Variants in RSPO2 observed in about 807,000 individuals in gnomAD.
The protein encoded by RSPO2 is R-spondin-2.
In RSPO2, 14 loss-of-function variants were observed where a neutral mutation model predicts 30.9. The observed-to-expected ratio is 0.45, with a 90% CI of 0.30 to 0.71. The LOEUF is 0.71. Among genes scored for constraint, RSPO2 ranks in the 30% least tolerant of loss-of-function variants. The pLI, the probability that RSPO2 is intolerant of heterozygous loss-of-function variation, is 0.08. For missense variants in RSPO2, 264 were observed against 301.9 expected, an observed-to-expected ratio of 0.87 and a Z score of 0.93; for synonymous variants, 107 against 96.4, an observed-to-expected ratio of 1.11 and a Z score of -0.64.
At position 108,022,944 on chromosome 8, in the gene RSPO2, AC is replaced by A. The variant is rs67775713; in HGVS notation, c.95-33701del. Among the ~76,000 whole-genome samples the A allele has an allele frequency of 3.5e-4, 50 of 144,480 alleles. 1 individual carries two copies. Among genetic ancestry groups the A allele is most frequent in the African/African-American group, 6.8e-4 (25 of 36,672 alleles). The allele number at this position is 144,480 out of a possible 152,430, so 94.8% of individuals were successfully genotyped here. On this transcript the variant is annotated intron_variant, in intron 2 of 5. Coordinates refer to ENST00000276659, the MANE Select transcript of RSPO2 (RefSeq NM_178565.5). ...GTCAAAAAAAAAAACAAAAAAAAAAACCACACACACACTCACAGTAGTTGCA... is the reference window on the plus strand; with the variant it reads ...GTCAAAAAAAAAAACAAAAAAAAAAACACACACACACTCACAGTAGTTGCA...
intron 2 of RSPO2, among the ~76,000 whole-genome samples, chr8:108,059,373 G>C (rs1436885587): frequency 6.6e-6 from 1 of 151,684 alleles, no homozygotes; most frequent in South Asian, 2.1e-4. Flanking sequence ...AGAGGATGTG[G>C]AGAAATAGGG....
chr8:108,014,671 A>G (rs1810819805), intron 2 of RSPO2, among the ~76,000 whole-genome samples: 2 of 151,938 alleles, frequency 1.3e-5, no homozygotes, highest in Non-Finnish European at 2.9e-5. Flanking sequence ...AGGGAGGGGA[A>G]CATCACACAC....
intron 5 of RSPO2, among the ~76,000 whole-genome samples, chr8:107,957,106 A>G (rs1330850976): frequency 6.6e-6 from 1 of 152,172 alleles, no homozygotes; most frequent in Admixed American, 6.5e-5. Flanking sequence ...TGGATCATAG[A>G]CATTCTCTAT....
At chr8:107,943,997 A>G (rs76165978) in intron 5 of RSPO2, among the ~76,000 whole-genome samples, 18,698 of 152,164 alleles carry the variant, frequency 0.12, 1,505 homozygotes, top group Middle Eastern at 0.32. Flanking sequence ...CCATTTATTT[A>G]GAGGTTCATT....
At chr8:108,022,927 A>C (rs1274351801) in intron 2 of RSPO2, among the ~76,000 whole-genome samples, 13 of 150,142 alleles carry the variant, frequency 8.7e-5, no homozygotes, top group Admixed American at 1.3e-4. Context: ...CTGTCAAAAA[A>C]AAAAACAAAA....
intron 2 of RSPO2, among the ~76,000 whole-genome samples, chr8:108,040,523 A>G (rs1232970869): frequency 6.6e-6 from 1 of 152,154 alleles, no homozygotes; most frequent in Non-Finnish European, 1.5e-5. Context: ...ATGGTCTCAG[A>G]AAAAAAGTTG....
intron 2 of RSPO2, among the ~76,000 whole-genome samples, chr8:108,032,408 A>G (rs1487672636): frequency 1.3e-5 from 2 of 152,316 alleles, no homozygotes; most frequent in East Asian, 3.9e-4. Flanking sequence ...TTTCTGGTAC[A>G]TTAATGTAGT....
In RSPO2 at chr8:107,901,062, C is replaced by T. The variant is rs201407390; in HGVS notation, c.*13G>A. The T allele has an allele frequency of 1.2e-4, 192 of 1,609,932 alleles. No individual in the cohort carries two copies. The highest frequency in any genetic ancestry group is 8.7e-4 in the African/African-American group (65 of 74,546). ...AAAACAAAAACCCCTAAAAATCTAC[C>T]GGATCTCTTGTTTTATTGGTTAGCT... On this transcript the variant is annotated 3_prime_UTR_variant, in exon 6 of 6. Transcript: ENST00000276659.
intron 3 of RSPO2, among the ~76,000 whole-genome samples, chr8:107,966,842 A>G (rs1813823736): frequency 6.6e-6 from 1 of 152,238 alleles, no homozygotes; most frequent in South Asian, 2.1e-4. Context: ...AAATGTAATT[A>G]TATATATTAC....
Position 107,900,965 on chromosome 8 carries a change from A to T in RSPO2, c.*110T>A. On this transcript the variant is annotated 3_prime_UTR_variant, in exon 6 of 6. Coordinates refer to ENST00000276659, the MANE Select transcript of RSPO2 (RefSeq NM_178565.5). ...CCTTTCACCATGTTACTGGGAACAG[A>T]TACTGGGCAGAGCAGCACAAAGGCT... The T allele has an allele frequency of 8.7e-7, 1 of 1,152,774 alleles. No individual in the cohort carries two copies. The highest frequency in any genetic ancestry group is 1.2e-6 in the Non-Finnish European group (1 of 809,528). The allele number at this position is 1,152,774 out of a possible 1,614,324, so 71.4% of individuals were successfully genotyped here.
chr8:108,003,281 A>G (rs11784320), intron 2 of RSPO2, among the ~76,000 whole-genome samples: 35 of 40,986 alleles, frequency 8.5e-4, no homozygotes, highest in East Asian at 4.3e-3. Flanking sequence ...GTGTGTGTAT[A>G]TATATATATA....
At chr8:108,026,903 T>C (rs765710794) in intron 2 of RSPO2, among the ~76,000 whole-genome samples, 1 of 152,048 alleles carries the variant, frequency 6.6e-6, no homozygotes, top group Non-Finnish European at 1.5e-5. Context: ...TCTGGATAAA[T>C]GGCATACAAG....
At chr8:107,939,478 CTTTT>C (rs10558817) in intron 5 of RSPO2, among the ~76,000 whole-genome samples, 145 of 140,470 alleles carry the variant, frequency 1.0e-3, no homozygotes, top group South Asian at 4.0e-3. Context: ...ATTAAATTAT[CTTTT>C]TTTTTTTTTT....
At chr8:108,011,117 A>G (rs1177433130) in intron 2 of RSPO2, among the ~76,000 whole-genome samples, 1 of 132,408 alleles carries the variant, frequency 7.6e-6, no homozygotes, top group Non-Finnish European at 1.6e-5. Flanking sequence ...TGGGTGACAT[A>G]GTGAGACTCC....
intron 5 of RSPO2, among the ~76,000 whole-genome samples, chr8:107,902,838 A>AT (rs1811522006): frequency 6.6e-6 from 1 of 152,110 alleles, no homozygotes; most frequent in African/African-American, 2.4e-5. Context: ...TGAGAACATG[A>AT]TCATGCCCCC....
intron 2 of RSPO2, among the ~76,000 whole-genome samples, chr8:108,064,558 C>A (rs1459628991): frequency 6.6e-6 from 1 of 152,144 alleles, no homozygotes; most frequent in Non-Finnish European, 1.5e-5. Context: ...AATAGGAACA[C>A]TTATACACTG....
At chr8:107,946,453 T>C (rs1448564044) in intron 5 of RSPO2, among the ~76,000 whole-genome samples, 1 of 152,192 alleles carries the variant, frequency 6.6e-6, no homozygotes, top group Non-Finnish European at 1.5e-5. Context: ...CTGTGCTTAG[T>C]TGCACATGCT....
At chr8:107,972,188 C>T (rs186878521) in intron 3 of RSPO2, among the ~76,000 whole-genome samples, 5 of 151,858 alleles carry the variant, frequency 3.3e-5, no homozygotes, top group African/African-American at 4.8e-5. Flanking sequence ...CTCTGTCACC[C>T]GGGATGGAGT....
intron 2 of RSPO2, among the ~76,000 whole-genome samples, chr8:108,057,946 T>C (rs1388144403): frequency 6.6e-6 from 1 of 152,154 alleles, no homozygotes; most frequent in African/African-American, 2.4e-5. Flanking sequence ...CTTCCTCTTT[T>C]CCTAATTGAA....
Sources: gnomAD v4.1 joint callset for allele counts (sites outside exome capture counted in the v4.1 genomes callset) on GRCh38, gnomAD v4.1.1 for gene constraint, MANE v1.5 for transcripts, NCBI Gene and HGNC (gene_info 2026-07-23, HGNC 2026-07-21) for gene names.